The following RSRC1 variants were observed in gnomAD, a reference collection of about 807,000 sequenced individuals.
RSRC1 encodes arginine and serine rich coiled-coil 1.
Under a neutral mutation model 49.1 loss-of-function variants are expected in RSRC1, and 39 were observed. That is an observed-to-expected ratio of 0.79 (90% CI 0.61 to 1.04). The LOEUF is 1.04. RSRC1 is among the 50% of genes least tolerant of loss of function. RSRC1 has a pLI of 0.00. For missense variants in RSRC1, 388 were observed against 402.4 expected (o/e 0.96, Z 0.31); for synonymous variants, 143 against 130.8 (o/e 1.09, Z -0.63).
At chr3:158,175,705 ATTC>A (rs927362628) in intron 3 of RSRC1, among the ~76,000 whole-genome samples, 10 of 152,142 alleles carry the variant, frequency 6.6e-5, no homozygotes, top group Non-Finnish European at 1.3e-4. Context: ...TATAAGGGAA[ATTC>A]TTCTATCCAG....
At chr3:158,301,794 A>G (rs1484116958) in intron 5 of RSRC1, among the ~76,000 whole-genome samples, 1 of 151,988 alleles carries the variant, frequency 6.6e-6, no homozygotes. Context: ...CCCCATTCCT[A>G]TTGATTTAAT....
intron 4 of RSRC1, among the ~76,000 whole-genome samples, chr3:158,282,993 GT>G (rs1726269379): frequency 6.6e-6 from 1 of 152,134 alleles, no homozygotes; most frequent in African/African-American, 2.4e-5. Context: ...CACCATTTCT[GT>G]TTGCCTCGTG....
In RSRC1 at chr3:158,503,317, G is replaced by T. The variant is rs528456488; in HGVS notation, c.653-33775G>T. On this transcript the variant is annotated intron_variant, in intron 7 of 9. Coordinates refer to ENST00000611884, the MANE Select transcript of RSRC1 (RefSeq NM_001271838.2). The stretch of plus-strand genomic sequence containing the variant: ...GGGGGAGTGCAATGGACTCCGTGAG[G>T]GTTCTTAGCTTTGGTGGTTTCATGT... 7.9e-5 allele frequency among the ~76,000 whole-genome samples: 12 copies of T among 152,234 alleles called. 1 individual carries two copies. In the South Asian group the frequency reaches 2.3e-3, roughly 29 times the overall value.
intron 4 of RSRC1, among the ~76,000 whole-genome samples, chr3:158,241,293 CA>C (rs140303536): frequency 6.7e-6 from 1 of 150,002 alleles, no homozygotes; most frequent in East Asian, 2.0e-4. Context: ...ACTAAAAATA[CA>C]AAAAAAAAGC....
chr3:158,289,924 T>TATCC (rs138336070), intron 4 of RSRC1, among the ~76,000 whole-genome samples: 60,841 of 149,706 alleles, frequency 0.41, 12,782 homozygotes, highest in East Asian at 0.61. Context: ...TCTATCTTTC[T>TATCC]ATCCATCCAT....
chr3:158,489,140 T>A (rs1404479212), intron 7 of RSRC1, among the ~76,000 whole-genome samples: 1 of 152,238 alleles, frequency 6.6e-6, no homozygotes, highest in Admixed American at 6.5e-5. Flanking sequence ...TTGGAAATAG[T>A]TTTGTTATCT....
intron 7 of RSRC1, among the ~76,000 whole-genome samples, chr3:158,463,428 A>G (rs1737721731): frequency 6.6e-6 from 1 of 152,070 alleles, no homozygotes; most frequent in African/African-American, 2.4e-5. Flanking sequence ...TTAGATCAGT[A>G]TGCATGTGTG....
At chr3:158,267,077 G>C (rs551845243) in intron 4 of RSRC1, among the ~76,000 whole-genome samples, 131 of 152,232 alleles carry the variant, frequency 8.6e-4, no homozygotes, top group Non-Finnish European at 1.6e-3. Flanking sequence ...TTCACCTTCA[G>C]TTTTGAATGA....
intron 7 of RSRC1, among the ~76,000 whole-genome samples, chr3:158,481,642 G>C (rs1386722084): frequency 6.6e-6 from 1 of 152,008 alleles, no homozygotes; most frequent in African/African-American, 2.4e-5. Flanking sequence ...TCACAGACTG[G>C]CTGTGTCACA....
Position 158,466,280 on chromosome 3 carries a change from C to T in RSRC1, c.652+5277C>T, listed in dbSNP as rs1411424736. 3.3e-5 allele frequency among the ~76,000 whole-genome samples: 5 copies of T among 152,092 alleles called. No homozygotes were observed. The South Asian group carries it at 6.2e-4, about 19-fold the overall frequency. ...TATGGAATTGGAAGCCAATTTAGAT[C>T]GCATTTTACTTATTTTCAGTAAGAT... is the stretch of plus-strand genomic sequence containing the variant. On this transcript the variant is annotated intron_variant, in intron 7 of 9. Coordinates refer to ENST00000611884, the MANE Select transcript of RSRC1 (RefSeq NM_001271838.2).
intron 6 of RSRC1, among the ~76,000 whole-genome samples, chr3:158,459,326 G>GTT: frequency 6.6e-6 from 1 of 152,136 alleles, no homozygotes; most frequent in African/African-American, 2.4e-5. Context: ...AGGCAGGCTA[G>GTT]TTTATTGAAT....
chr3:158,543,487 T>G lies in RSRC1; in HGVS notation c.912T>G (p.Asn304Lys). The change falls in exon 9 of 10, where the codon AAT becomes AAG. Residue 304 changes from asparagine to lysine, a missense_variant and splice_region_variant. By Grantham distance (94) the Asn-to-Lys change is moderately conservative. Coordinates refer to ENST00000611884, the MANE Select transcript of RSRC1 (RefSeq NM_001271838.2). Reference protein sequence around the residue: ...YQDDNSLAHPNLFIEKADAEE... With the variant: ...YQDDNSLAHPKLFIEKADAEE... The stretch of plus-strand genomic sequence containing the variant: ...ATGACAATTCCCTGGCCCATCCAAA[T>G]GTAATATCCTTAAACTTTACGAATG... 6.3e-7 allele frequency: 1 copy of G among 1,596,958 alleles called. No individual in the cohort carries two copies. Among genetic ancestry groups the G allele is most frequent in the Non-Finnish European group, 8.5e-7 (1 of 1,173,786 alleles).
intron 3 of RSRC1, among the ~76,000 whole-genome samples, chr3:158,202,725 T>C (rs1721129293): frequency 1.3e-5 from 2 of 151,694 alleles, no homozygotes; most frequent in South Asian, 2.1e-4. Context: ...GTTGAATAGA[T>C]AATGGAAGCA....
chr3:158,282,179 A>G (rs546835781), intron 4 of RSRC1, among the ~76,000 whole-genome samples: 41 of 152,380 alleles, frequency 2.7e-4, no homozygotes, highest in African/African-American at 8.9e-4. Context: ...GGAAATGGAT[A>G]TATACATAGA....
intron 7 of RSRC1, among the ~76,000 whole-genome samples, chr3:158,501,408 C>G (rs1739585356): frequency 6.6e-6 from 1 of 152,124 alleles, no homozygotes; most frequent in South Asian, 2.1e-4. Flanking sequence ...AATCCAGTTT[C>G]TTTGTTGACT....
intron 5 of RSRC1, among the ~76,000 whole-genome samples, chr3:158,328,002 C>A (rs1455206574): frequency 1.3e-5 from 2 of 152,106 alleles, no homozygotes; most frequent in Non-Finnish European, 2.9e-5. Context: ...TTCTTTGTCT[C>A]GTTTGATGTT....
At chr3:158,333,948 A>G (rs756207324) in intron 5 of RSRC1, among the ~76,000 whole-genome samples, 73 of 152,330 alleles carry the variant, frequency 4.8e-4, no homozygotes, top group Admixed American at 9.1e-4. Flanking sequence ...CCATTGCAAC[A>G]CTACAGAAGG....
chr3:158,173,983 G>T lies in RSRC1; in HGVS notation c.321-29089G>T, dbSNP rs193294061. Among the ~76,000 whole-genome samples the T allele has an allele frequency of 4.0e-5, 6 of 151,836 alleles. No individual in the cohort carries two copies. The East Asian group carries it at 9.6e-4, about 24-fold the overall frequency. ...GAATTAATAGTATATGAATATGAGAGATTTTCTCTGGGTGAAGAAAATGCT... is the reference window on the plus strand; with the variant it reads ...GAATTAATAGTATATGAATATGAGATATTTTCTCTGGGTGAAGAAAATGCT... On this transcript the variant is annotated intron_variant, in intron 3 of 9. Transcript: ENST00000611884.
intron 6 of RSRC1, among the ~76,000 whole-genome samples, chr3:158,405,439 G>A (rs1387418360): frequency 6.6e-6 from 1 of 152,030 alleles, no homozygotes; most frequent in African/African-American, 2.4e-5. Context: ...ATATAATGCA[G>A]TACTTCAGAA....
Sources: allele counts gnomAD v4.1 joint callset (sites outside exome capture counted in the v4.1 genomes callset), GRCh38; gene constraint gnomAD v4.1.1; transcripts MANE v1.5; gene names NCBI Gene and HGNC (gene_info 2026-07-23, HGNC 2026-07-21).